The following CPA6 variants were observed in gnomAD, a reference collection of about 807,000 sequenced individuals.
CPA6 encodes carboxypeptidase B.
CPA6 carries 58 observed loss-of-function variants against 63.3 expected under a neutral mutation model. The ratio of observed to expected loss-of-function variants is 0.92; its 90% CI spans 0.74 to 1.14. The LOEUF (loss-of-function observed/expected upper bound fraction) is 1.14. Among genes scored for constraint, CPA6 ranks in the 50% most tolerant of loss-of-function variants. CPA6 has a pLI of 0.00. For missense variants in CPA6, 565 were observed against 526.6 expected (o/e 1.07, Z -0.71); for synonymous variants, 185 against 179.0 (o/e 1.03, Z -0.27).
intron 1 of CPA6, among the ~76,000 whole-genome samples, chr8:67,628,651 T>C (rs1282951043): frequency 2.0e-5 from 3 of 152,270 alleles, no homozygotes; most frequent in Non-Finnish European, 4.4e-5. Flanking sequence ...TAATTTGCTT[T>C]TATCTTTTAC....
At chr8:67,480,707 G>C (rs922872745) in intron 8 of CPA6, among the ~76,000 whole-genome samples, 2 of 152,088 alleles carry the variant, frequency 1.3e-5, no homozygotes, top group Non-Finnish European at 2.9e-5. Flanking sequence ...GAGTGGAGTT[G>C]CTGGGTCATA....
intron 2 of CPA6, among the ~76,000 whole-genome samples, chr8:67,585,098 A>T (rs1255931901): frequency 6.6e-6 from 1 of 152,212 alleles, no homozygotes; most frequent in African/African-American, 2.4e-5. Context: ...CATATTGAGA[A>T]TTCTATAATA....
At chr8:67,658,329 G>A (rs895112764) in intron 1 of CPA6, among the ~76,000 whole-genome samples, 1 of 152,168 alleles carries the variant, frequency 6.6e-6, no homozygotes, top group Non-Finnish European at 1.5e-5. Flanking sequence ...TAGGTCAGGG[G>A]TTAGTTCTTG....
intron 1 of CPA6, among the ~76,000 whole-genome samples, chr8:67,697,799 C>T (rs1454264980): frequency 6.6e-5 from 10 of 151,892 alleles, no homozygotes; most frequent in African/African-American, 2.4e-4. Flanking sequence ...TTATTTCCTT[C>T]CCTTACTTTA....
At chr8:67,684,642 TAAC>T (rs1262543168) in intron 1 of CPA6, among the ~76,000 whole-genome samples, 2 of 152,176 alleles carry the variant, frequency 1.3e-5, no homozygotes, top group Non-Finnish European at 2.9e-5. Flanking sequence ...CGATGAGCTT[TAAC>T]TCTAGAGAAG....
intron 2 of CPA6, among the ~76,000 whole-genome samples, chr8:67,573,751 G>C (rs533357699): frequency 7.9e-5 from 12 of 151,670 alleles, no homozygotes; most frequent in African/African-American, 2.9e-4. Flanking sequence ...AATTAGCCAG[G>C]CATGGTGGTG....
chr8:67,619,058 A>T (rs1394581793), intron 2 of CPA6, among the ~76,000 whole-genome samples: 1 of 152,246 alleles, frequency 6.6e-6, no homozygotes, highest in Non-Finnish European at 1.5e-5. Flanking sequence ...ATGTCTAATT[A>T]ACTATGCTTT....
intron 1 of CPA6, among the ~76,000 whole-genome samples, chr8:67,632,106 A>C (rs1815347614): frequency 6.6e-6 from 1 of 151,938 alleles, no homozygotes; most frequent in African/African-American, 2.4e-5. Context: ...TTCATAAGGA[A>C]GCATTTTTTT....
At chr8:67,572,571 T>C (rs1315148580) in intron 2 of CPA6, among the ~76,000 whole-genome samples, 1 of 152,216 alleles carries the variant, frequency 6.6e-6, no homozygotes, top group East Asian at 1.9e-4. Flanking sequence ...TGCAGAACTG[T>C]GAGCTAAATA....
Position 67,520,287 on chromosome 8 carries a change from G to C in CPA6, c.193-2240C>G, listed in dbSNP as rs914862077. 4.6e-5 allele frequency among the ~76,000 whole-genome samples: 7 copies of C among 152,290 alleles called. No homozygotes were observed. In the South Asian group the frequency reaches 1.0e-3, roughly 23 times the overall value. ...GTAAGAATCTTCATCCCACAGAAGA[G>C]AGCAGCTTCTCCACAGGAAAGTTCC... On this transcript the variant is annotated intron_variant, in intron 2 of 10. Transcript: ENST00000297770.
chr8:67,561,061 C>T (rs1055691949), intron 2 of CPA6, among the ~76,000 whole-genome samples: 1 of 152,162 alleles, frequency 6.6e-6, no homozygotes, highest in African/African-American at 2.4e-5. Context: ...TCTAATTCAT[C>T]TTACATGGAG....
intron 1 of CPA6, among the ~76,000 whole-genome samples, chr8:67,633,754 T>G (rs570085676): frequency 1.3e-5 from 2 of 152,266 alleles, no homozygotes; most frequent in Non-Finnish European, 2.9e-5. Context: ...ATGCACCTTC[T>G]GTGTATTAGT....
At chr8:67,707,021 T>C (rs1210535303) in intron 1 of CPA6, among the ~76,000 whole-genome samples, 1 of 152,218 alleles carries the variant, frequency 6.6e-6, no homozygotes, top group Non-Finnish European at 1.5e-5. Context: ...ATTTTGTGCC[T>C]CAGAGGTAAC....
At chr8:67,677,571 ATCTC>A (rs1336133461) in intron 1 of CPA6, among the ~76,000 whole-genome samples, 3 of 151,790 alleles carry the variant, frequency 2.0e-5, no homozygotes, top group African/African-American at 4.8e-5. Flanking sequence ...CAGGCTGCAC[ATCTC>A]TCTCTCTCTG....
At chr8:67,627,991 T>TGCTAGAAGAAAA (rs1693636452) in intron 1 of CPA6, among the ~76,000 whole-genome samples, 1 of 152,186 alleles carries the variant, frequency 6.6e-6, no homozygotes, top group African/African-American at 2.4e-5. Flanking sequence ...GTTTCTTCAC[T>TGCTAGAAGAAAA]GGAGGAGTGA....
chr8:67,672,444 T>G (rs944443617), intron 1 of CPA6, among the ~76,000 whole-genome samples: 1 of 152,106 alleles, frequency 6.6e-6, no homozygotes, highest in Non-Finnish European at 1.5e-5. Context: ...GGCACCACTA[T>G]CTATCCCACT....
At position 67,515,533 on chromosome 8, in the gene CPA6, C is replaced by T. The variant is rs928885110; in HGVS notation, c.317+2390G>A. On this transcript the variant is annotated intron_variant, in intron 3 of 10. Transcript: ENST00000297770. ...GTGGGGCATAAGGGAGGAAGGTCAG[C>T]GTATTCTCTTATACGCCGTGAATCT... Among the ~76,000 whole-genome samples the T allele has an allele frequency of 3.9e-4, 60 of 152,330 alleles. 1 individual carries two copies. Among genetic ancestry groups the T allele is most frequent in the African/African-American group, 1.4e-3 (57 of 41,570 alleles).
intron 2 of CPA6, among the ~76,000 whole-genome samples, chr8:67,528,994 A>G (rs1251099966): frequency 2.6e-5 from 4 of 151,270 alleles, no homozygotes; most frequent in Non-Finnish European, 5.9e-5. Context: ...CTCTTGCAAT[A>G]ATCCTTTTCA....
At chr8:67,594,793 CA>C (rs1166277525) in intron 2 of CPA6, among the ~76,000 whole-genome samples, 1 of 152,026 alleles carries the variant, frequency 6.6e-6, no homozygotes, top group African/African-American at 2.4e-5. Context: ...AAATTTTTTT[CA>C]AAGTTTTCAA....
Sources: allele counts gnomAD v4.1 joint callset (sites outside exome capture counted in the v4.1 genomes callset), GRCh38; gene constraint gnomAD v4.1.1; transcripts MANE v1.5; gene names NCBI Gene and HGNC (gene_info 2026-07-23, HGNC 2026-07-21).